BNC2: variants seen among roughly 807,000 people sequenced by gnomAD.
BNC2 encodes the protein zinc finger protein basonuclin-2.
BNC2 carries 20 observed loss-of-function variants against 76.3 expected under a neutral mutation model. The observed-to-expected ratio is 0.26, with a 90% CI of 0.18 to 0.38. The LOEUF is 0.38. Among genes scored for constraint, BNC2 ranks in the 10% least tolerant of loss-of-function variants. The pLI, the probability that BNC2 is intolerant of heterozygous loss-of-function variation, is 1.00. For synonymous variants in BNC2, 582 were observed against 514.8 expected, an observed-to-expected ratio of 1.13 and a Z score of -1.77; for missense variants, 1,382 against 1,399.8, an observed-to-expected ratio of 0.99 and a Z score of 0.20.
intron 5 of BNC2, among the ~76,000 whole-genome samples, chr9:16,537,102 G>A (rs1460427842): frequency 6.6e-6 from 1 of 151,990 alleles, no homozygotes; most frequent in Non-Finnish European, 1.5e-5. Context: ...AACATGTCTA[G>A]AAGCTCCAGA....
chr9:16,725,128 AG>A (rs1388647596), intron 3 of BNC2, among the ~76,000 whole-genome samples: 1 of 152,122 alleles, frequency 6.6e-6, no homozygotes, highest in Non-Finnish European at 1.5e-5. Context: ...AACAAAAACT[AG>A]CGTAACTGTA....
At chr9:16,676,222 T>A (rs1201952816) in intron 3 of BNC2, among the ~76,000 whole-genome samples, 1 of 152,218 alleles carries the variant, frequency 6.6e-6, no homozygotes, top group East Asian at 1.9e-4. Context: ...GCTCTTAAAT[T>A]ATTAATTATG....
intron 3 of BNC2, chr9:16,625,608 G>A (rs529642883): frequency 1.3e-5 from 2 of 152,256 alleles, no homozygotes; most frequent in South Asian, 4.2e-4. Context: ...CTGCACAGCC[G>A]GCTTATTAAA....
At chr9:16,835,515 A>G (rs1360524184) in intron 1 of BNC2, among the ~76,000 whole-genome samples, 4 of 152,156 alleles carry the variant, frequency 2.6e-5, no homozygotes, top group South Asian at 2.1e-4. Flanking sequence ...CCTGACCAAC[A>G]TGGTGAAACC....
At chr9:16,757,051 ACT>A in intron 1 of BNC2, among the ~76,000 whole-genome samples, 2 of 138,714 alleles carry the variant, frequency 1.4e-5, no homozygotes, top group African/African-American at 2.6e-5. Context: ...AGTGCCCTGT[ACT>A]ACTTTCCAAC....
At chr9:16,678,396 T>G (rs1013712362) in intron 3 of BNC2, among the ~76,000 whole-genome samples, 1 of 141,814 alleles carries the variant, frequency 7.1e-6, no homozygotes, top group Non-Finnish European at 1.5e-5. Flanking sequence ...AGCCTCCAAA[T>G]AGCTGGGATT....
intron 6 of BNC2, among the ~76,000 whole-genome samples, chr9:16,427,912 A>C (rs947009689): frequency 6.6e-6 from 1 of 152,220 alleles, no homozygotes; most frequent in African/African-American, 2.4e-5. Context: ...CGTCATGAGA[A>C]TATAGTTTTG....
At chr9:16,558,727 G>A (rs1038317174) in intron 4 of BNC2, among the ~76,000 whole-genome samples, 2 of 151,964 alleles carry the variant, frequency 1.3e-5, no homozygotes, top group Non-Finnish European at 2.9e-5. Flanking sequence ...TTAGGAGTTC[G>A]AGACCAACCT....
chr9:16,838,537 GACA>G (rs1383889659), intron 1 of BNC2, among the ~76,000 whole-genome samples: 1 of 152,166 alleles, frequency 6.6e-6, no homozygotes, highest in East Asian at 1.9e-4. Context: ...CTCCAGCCTG[GACA>G]ACAAGAGCGA....
intron 3 of BNC2, among the ~76,000 whole-genome samples, chr9:16,602,020 T>C (rs1403809410): frequency 1.3e-5 from 2 of 152,174 alleles, no homozygotes; most frequent in South Asian, 2.1e-4. Context: ...AGCTTTGACA[T>C]AGTTAAAAGT....
rs182451116 is a variant in BNC2, at chr9:16,413,112, T to A, written c.*5877A>T. The A allele has an allele frequency of 6.5e-5, 10 of 152,764 alleles. No homozygotes were observed. In the East Asian group the frequency reaches 1.7e-3, roughly 27 times the overall value. The allele number at this position is 152,764 out of a possible 1,614,324, so 9.5% of individuals were successfully genotyped here. ...AAGCTTCTTGCTGCTCAGCCCTGGC[T>A]TTTTTCTTTCCTCTTTTGTAATGGT... On this transcript the variant is annotated 3_prime_UTR_variant, in exon 7 of 7. Coordinates refer to ENST00000380672, the MANE Select transcript of BNC2 (RefSeq NM_017637.6).
At chr9:16,708,195 G>A (rs1484944954) in intron 3 of BNC2, among the ~76,000 whole-genome samples, 1 of 152,160 alleles carries the variant, frequency 6.6e-6, no homozygotes, top group Non-Finnish European at 1.5e-5. Flanking sequence ...AATGTGAGTA[G>A]ATCAAATCTG....
chr9:16,493,928 A>G (rs529953522), intron 5 of BNC2, among the ~76,000 whole-genome samples: 34 of 152,148 alleles, frequency 2.2e-4, no homozygotes, highest in Non-Finnish European at 4.0e-4. Context: ...GGACATGAAG[A>G]AGTCTGATGA....
chr9:16,506,345 A>C (rs767796767), intron 5 of BNC2, among the ~76,000 whole-genome samples: 21 of 152,094 alleles, frequency 1.4e-4, no homozygotes, highest in Admixed American at 7.2e-4. Flanking sequence ...AGTCCTGGAT[A>C]TAACTAGCTT....
Position 16,437,205 on chromosome 9 carries a change from G to A in BNC2, c.989C>T (p.Pro330Leu), listed in dbSNP as rs374455568. 3.1e-6 allele frequency: 5 copies of A among 1,614,064 alleles called. No homozygotes were observed. The highest frequency in any genetic ancestry group is 1.3e-5 in the African/African-American group (1 of 74,932). ...AFLLPFQYIN[P>L]VSAPLLGLPP... ...CAACCCTAGCAGTGGTGCTGAGACA[G>A]GGTTTATGTACTGGAATGGAAGCAG... The change falls in exon 6 of 7, where the codon CCT becomes CTT. Residue 330 changes from proline to leucine, a missense_variant. Physicochemically the swap from Pro to Leu is moderately conservative, Grantham distance 98. Coordinates refer to ENST00000380672, the MANE Select transcript of BNC2 (RefSeq NM_017637.6).
intron 4 of BNC2, among the ~76,000 whole-genome samples, chr9:16,566,661 A>T (rs1328168634): frequency 2.6e-5 from 4 of 152,192 alleles, no homozygotes; most frequent in Non-Finnish European, 5.9e-5. Context: ...ACTTTATGAA[A>T]ATCATCCATA....
intron 1 of BNC2, among the ~76,000 whole-genome samples, chr9:16,779,114 T>TAAAAAAAAAA (rs143267899): frequency 2.3e-5 from 2 of 85,552 alleles, no homozygotes; most frequent in African/African-American, 9.1e-5. Context: ...ACAAAAATTG[T>TAAAAAAAAAA]AAAAAAAAAA....
rs546737284 is a variant in BNC2 at position 16,535,477 on chromosome 9, T to A, written c.669+17053A>T. Among the ~76,000 whole-genome samples the A allele has an allele frequency of 4.6e-5, 7 of 152,196 alleles. No individual in the cohort carries two copies. In the South Asian group the frequency reaches 1.5e-3, roughly 32 times the overall value. On this transcript the variant is annotated intron_variant, in intron 5 of 6. Transcript: ENST00000380672. ...AGCCTGGAATCAACCTATGAGCACCTTTTTTTCTCCCTCATCTAGTGCATC... is the reference window on the plus strand; with the variant it reads ...AGCCTGGAATCAACCTATGAGCACCATTTTTTCTCCCTCATCTAGTGCATC...
intron 5 of BNC2, among the ~76,000 whole-genome samples, chr9:16,487,220 C>A (rs1285966122): frequency 6.6e-6 from 1 of 152,144 alleles, no homozygotes; most frequent in Non-Finnish European, 1.5e-5. Flanking sequence ...CCTCTCCTAG[C>A]TACAGACCAG....
Sources: allele counts gnomAD v4.1 joint callset (sites outside exome capture counted in the v4.1 genomes callset), GRCh38; gene constraint gnomAD v4.1.1; transcripts MANE v1.5; gene names NCBI Gene and HGNC (gene_info 2026-07-23, HGNC 2026-07-21).